RPH3AL: variants seen among roughly 807,000 people sequenced by gnomAD.
RPH3AL encodes rabphilin 3A like (without C2 domains).
RPH3AL carries 38 observed loss-of-function variants against 43.1 expected under a neutral mutation model. The observed-to-expected ratio is 0.88, with a 90% CI of 0.68 to 1.15. The LOEUF (loss-of-function observed/expected upper bound fraction) is 1.15. RPH3AL is among the 50% of genes most tolerant of loss of function. The pLI is 0.00. For synonymous variants in RPH3AL, 189 were observed against 176.3 expected (o/e 1.07, Z -0.57); for missense variants, 462 against 423.2 (o/e 1.09, Z -0.81).
chr17:331,819 G>C (rs759202933), intron 2 of RPH3AL: 7 of 1,289,180 alleles, frequency 5.4e-6, no homozygotes, highest in South Asian at 1.2e-5. Context: ...GAAAACTCCA[G>C]AGAGCAGTGC....
chr17:235,079 C>T (rs555144169), intron 7 of RPH3AL, among the ~76,000 whole-genome samples: 2 of 146,660 alleles, frequency 1.4e-5, no homozygotes, highest in South Asian at 4.3e-4. Context: ...GGAGGCTCTT[C>T]ACTCACTAAC....
At chr17:277,996 C>T (rs2042694142) in intron 6 of RPH3AL, among the ~76,000 whole-genome samples, 2 of 151,984 alleles carry the variant, frequency 1.3e-5, no homozygotes, top group South Asian at 2.1e-4. Flanking sequence ...AACCCTAAGT[C>T]CTTACAAAGG....
intron 1 of RPH3AL, among the ~76,000 whole-genome samples, chr17:350,348 G>A (rs1018849970): frequency 4.3e-4 from 65 of 152,048 alleles, no homozygotes; most frequent in Non-Finnish European, 8.8e-4. Context: ...GTGGTGGCAC[G>A]CACTTGTAAT....
intron 7 of RPH3AL, among the ~76,000 whole-genome samples, chr17:241,353 G>A (rs1353304850): frequency 6.6e-6 from 1 of 152,134 alleles, no homozygotes; most frequent in Admixed American, 6.5e-5. Context: ...CCATGATTGT[G>A]CCACGGCACT....
chr17:284,334 G>A (rs550375708), intron 5 of RPH3AL, among the ~76,000 whole-genome samples: 29 of 152,214 alleles, frequency 1.9e-4, no homozygotes, highest in Non-Finnish European at 4.0e-4. Context: ...CAGAATTTTT[G>A]TTCAGACCTC....
At chr17:242,375 C>T (rs2041569520) in intron 7 of RPH3AL, among the ~76,000 whole-genome samples, 1 of 13,710 alleles carries the variant, frequency 7.3e-5, no homozygotes. Flanking sequence ...TGACTACCTT[C>T]CTCTATTGAC....
Position 272,985 on chromosome 17 carries a change from TAC to T in RPH3AL, c.438+8781_438+8782del, listed in dbSNP as rs1567604473. Among the ~76,000 whole-genome samples the T allele has an allele frequency of 4.7e-4, 17 of 36,360 alleles. 1 individual carries two copies. Among genetic ancestry groups the T allele is most frequent in the Admixed American group, 9.7e-4 (3 of 3,078 alleles). The allele number at this position is 36,360 out of a possible 152,430, so 23.9% of individuals were successfully genotyped here. A position where few individuals can be genotyped will look rare whatever the true frequency, so the allele number is the denominator to read the frequency against. ...GTCAGGGTGAGACCCCAGCAAGGGCTACGTCAGGGTGAGACCCCAGCGAGGGC... is the reference window on the plus strand; with the variant it reads ...GTCAGGGTGAGACCCCAGCAAGGGCTGTCAGGGTGAGACCCCAGCGAGGGC... On this transcript the variant is annotated intron_variant, in intron 6 of 9. Transcript: ENST00000331302.
chr17:315,174 C>T (rs200680719), intron 5 of RPH3AL, among the ~76,000 whole-genome samples: 3 of 54,718 alleles, frequency 5.5e-5, no homozygotes, highest in Non-Finnish European at 1.0e-4. Flanking sequence ...CCCCCACCTC[C>T]ATTCACCTGT....
At chr17:244,859 G>A (rs931188355) in intron 7 of RPH3AL, among the ~76,000 whole-genome samples, 1 of 152,214 alleles carries the variant, frequency 6.6e-6, no homozygotes, top group South Asian at 2.1e-4. Flanking sequence ...GTGGGCAACC[G>A]TGTGTGTGCA....
chr17:326,691 G>A (rs1294990611), intron 3 of RPH3AL, among the ~76,000 whole-genome samples: 6 of 152,326 alleles, frequency 3.9e-5, no homozygotes, highest in Middle Eastern at 3.4e-3. Flanking sequence ...GACCAGCCTG[G>A]CCAACATGGT....
chr17:315,068 C>T (rs2043897999), intron 5 of RPH3AL, among the ~76,000 whole-genome samples: 2 of 143,282 alleles, frequency 1.4e-5, no homozygotes, highest in Admixed American at 7.0e-5. Context: ...ACTGTAGTCC[C>T]TGTGCTCCAC....
At position 215,822 on chromosome 17, in the gene RPH3AL, G is replaced by T; in HGVS notation, c.728-20C>A. On this transcript the variant is annotated intron_variant, in intron 8 of 9. Coordinates refer to ENST00000331302, the MANE Select transcript of RPH3AL (RefSeq NM_006987.4). This position sits in a 1 kb window ranked among gnomAD's most constrained non-coding sequence, Gnocchi z 4.1. ...TGCCACCTGTGGGAAATCACGTGTG[G>T]GCCCCGTGGATCTCAAACCGAGACG... 6.9e-6 allele frequency: 9 copies of T among 1,298,716 alleles called. No individual in the cohort carries two copies. Among genetic ancestry groups the T allele is most frequent in the Non-Finnish European group, 8.8e-6 (9 of 1,020,008 alleles). 80.4% of individuals were successfully genotyped at this position (1,298,716 alleles called of 1,614,324 possible). A position where few individuals can be genotyped will look rare whatever the true frequency, so the allele number is the denominator to read the frequency against.
intron 6 of RPH3AL, among the ~76,000 whole-genome samples, chr17:258,595 C>T (rs890492550): frequency 1.3e-5 from 2 of 152,122 alleles, no homozygotes; most frequent in East Asian, 1.9e-4. Flanking sequence ...GCCCCCGGCC[C>T]GTGCCTCAGC....
rs2044645620 is a variant in RPH3AL, at chr17:327,493, A to T, written c.51T>A (p.Asn17Lys). The T allele has an allele frequency of 6.2e-7, 1 of 1,613,852 alleles. No homozygotes were observed. The highest frequency in any genetic ancestry group is 1.1e-5 in the South Asian group (1 of 91,090). ...TGGCTCGAAGGGCAAGCTGCCGGTCATTGGGGCAAACCCACTGATCATTCC... is the reference window on the plus strand; with the variant it reads ...TGGCTCGAAGGGCAAGCTGCCGGTCTTTGGGGCAAACCCACTGATCATTCC... Reference protein sequence around the residue: ...GSGNDQWVCPNDRQLALRAKL... With the variant: ...GSGNDQWVCPKDRQLALRAKL... The change falls in exon 3 of 10, where the codon AAT becomes AAA. Residue 17 changes from asparagine (N) to lysine (K), a missense_variant. Physicochemically the swap from Asn to Lys is moderately conservative, Grantham distance 94 (BLOSUM62 0). Coordinates refer to ENST00000331302, the MANE Select transcript of RPH3AL (RefSeq NM_006987.4).
At position 321,398 on chromosome 17, in the gene RPH3AL, G is replaced by A; in HGVS notation, c.95C>T (p.Ser32Phe). The A allele has an allele frequency of 6.2e-7, 1 of 1,608,908 alleles. No homozygotes were observed. The highest frequency in any genetic ancestry group is 8.5e-7 in the Non-Finnish European group (1 of 1,179,194). The change falls in exon 4 of 10, where the codon TCC becomes TTC. Residue 32 changes from serine (S) to phenylalanine (F), a missense_variant. Physicochemically the swap from Ser to Phe is radical, Grantham distance 155 (BLOSUM62 -2). Coordinates refer to ENST00000331302, the MANE Select transcript of RPH3AL (RefSeq NM_006987.4). ...CTTCTCCGTCTGGTAGGTGTGCACGGACCAGCCCGTCTGCAGCCTCGAGAG... is the reference window on the plus strand; with the variant it reads ...CTTCTCCGTCTGGTAGGTGTGCACGAACCAGCCCGTCTGCAGCCTCGAGAG... ...ALRAKLQTGW[S>F]VHTYQTEKQR...
intron 5 of RPH3AL, among the ~76,000 whole-genome samples, chr17:312,851 C>T (rs772690524): frequency 1.3e-5 from 2 of 152,212 alleles, no homozygotes; most frequent in Admixed American, 6.5e-5. Context: ...CCTGCAGCTC[C>T]GTGCACAACC....
At chr17:316,844 C>A (rs1286660805) in intron 5 of RPH3AL, among the ~76,000 whole-genome samples, 12 of 151,228 alleles carry the variant, frequency 7.9e-5, no homozygotes, top group African/African-American at 2.4e-4. Context: ...CCCTGTGACT[C>A]CACCTCCAGT....
intron 7 of RPH3AL, among the ~76,000 whole-genome samples, chr17:235,619 C>T (rs1273007270): frequency 2.9e-5 from 4 of 140,056 alleles, no homozygotes; most frequent in African/African-American, 5.2e-5. Flanking sequence ...AAGCTGGGGT[C>T]GGCGGAGGCT....
rs564899501 is a variant in RPH3AL, at chr17:350,728, G to A, written c.-213+1984C>T. 3.9e-5 allele frequency among the ~76,000 whole-genome samples: 6 copies of A among 152,322 alleles called. No individual in the cohort carries two copies. The South Asian group carries it at 1.0e-3, about 26-fold the overall frequency. On this transcript the variant is annotated intron_variant, in intron 1 of 9. Transcript: ENST00000331302. ...TCCCTGAATGCTGGTGAACTTCTCTGCACTAAAAGGATGAAATGGGAATTA... is the reference window on the plus strand; with the variant it reads ...TCCCTGAATGCTGGTGAACTTCTCTACACTAAAAGGATGAAATGGGAATTA...
Sources: gnomAD v4.1 joint callset for allele counts (sites outside exome capture counted in the v4.1 genomes callset) on GRCh38, gnomAD v4.1.1 for gene constraint, Gnocchi (gnomAD v3.1) non-coding constraint, MANE v1.5 for transcripts, NCBI Gene and HGNC (gene_info 2026-07-23, HGNC 2026-07-21) for gene names.